Variants in FNDC1 observed in about 807,000 individuals in gnomAD.
FNDC1 encodes fibronectin type III domain-containing protein 1.
Under a neutral mutation model 168.0 loss-of-function variants are expected in FNDC1, and 96 were observed. The ratio of observed to expected loss-of-function variants is 0.57; its 90% CI spans 0.48 to 0.68. The LOEUF is 0.68. Among genes scored for constraint, FNDC1 ranks in the 30% least tolerant of loss-of-function variants. FNDC1 has a pLI of 0.00. For missense variants in FNDC1, 2,587 were observed against 2,482.1 expected, an observed-to-expected ratio of 1.04 and a Z score of -0.90; for synonymous variants, 1,099 against 1,025.9, an observed-to-expected ratio of 1.07 and a Z score of -1.36.
At chr6:159,255,774 G>C (rs1777358506) in intron 17 of FNDC1, among the ~76,000 whole-genome samples, 1 of 152,206 alleles carries the variant, frequency 6.6e-6, no homozygotes, top group Non-Finnish European at 1.5e-5. Flanking sequence ...GGAAGTGCTT[G>C]ACAAATGTTT....
At position 159,238,659 on chromosome 6, in the gene FNDC1, A is replaced by G. The variant is rs1326979503; in HGVS notation, c.4174A>G (p.Ile1392Val). 6.3e-7 allele frequency: 1 copy of G among 1,593,406 alleles called. No individual in the cohort carries two copies. Among genetic ancestry groups the G allele is most frequent in the African/African-American group, 1.3e-5 (1 of 74,608 alleles). ...TAAACTAGGAGGAGATGGTCGAACCATTGTAGGTAAGGGAGAATGGTTTTT... is the reference window on the plus strand; with the variant it reads ...TAAACTAGGAGGAGATGGTCGAACCGTTGTAGGTAAGGGAGAATGGTTTTT... ...RIKLGGDGRTIVDLEGTPVVS... is the reference protein window; with the variant it reads ...RIKLGGDGRTVVDLEGTPVVS... The change falls in exon 13 of 23, where the codon ATT becomes GTT. Residue 1392 changes from isoleucine (I) to valine (V), a missense_variant. Physicochemically the swap from Ile to Val is conservative, Grantham distance 29 (BLOSUM62 3). Transcript: ENST00000297267.
chr6:159,195,688 A>G (rs1250672504), intron 1 of FNDC1, among the ~76,000 whole-genome samples: 3 of 152,204 alleles, frequency 2.0e-5, no homozygotes, highest in African/African-American at 7.2e-5. Context: ...AAATATTTAT[A>G]AATTGCTCTT....
chr6:159,174,791 C>T (rs1234366155), intron 1 of FNDC1, among the ~76,000 whole-genome samples: 1 of 152,186 alleles, frequency 6.6e-6, no homozygotes, highest in African/African-American at 2.4e-5. Context: ...CCTCTGCAGG[C>T]CTCCACCAAA....
intron 15 of FNDC1, among the ~76,000 whole-genome samples, chr6:159,248,447 A>G (rs1777183671): frequency 6.6e-6 from 1 of 152,008 alleles, no homozygotes; most frequent in Middle Eastern, 3.2e-3. Context: ...CTGGGACTAC[A>G]GGTGTGCGCC....
At chr6:159,226,613 A>G (rs376272570) in intron 9 of FNDC1, 33 bp downstream of exon 9, 8 of 1,486,742 alleles carry the variant, frequency 5.4e-6, no homozygotes, top group South Asian at 2.4e-5. Flanking sequence ...TGTAAGATGC[A>G]TTGATTCTGA....
At chr6:159,197,721 G>A in intron 2 of FNDC1, 96 bp downstream of exon 2, 7 of 1,148,906 alleles carry the variant, frequency 6.1e-6, no homozygotes, top group Non-Finnish European at 8.6e-6. Flanking sequence ...ACCCATGGCT[G>A]GGCTCAAGGT....
intron 1 of FNDC1, among the ~76,000 whole-genome samples, chr6:159,191,648 A>T (rs1003932224): frequency 3.9e-5 from 6 of 152,194 alleles, no homozygotes; most frequent in African/African-American, 1.4e-4. Context: ...CATGCTTATC[A>T]GTTGCTATTT....
chr6:159,182,153 C>T (rs1169602223), intron 1 of FNDC1, among the ~76,000 whole-genome samples: 1 of 152,172 alleles, frequency 6.6e-6, no homozygotes, highest in East Asian at 1.9e-4. Context: ...ACTTTCAATG[C>T]TAGCACCTAG....
chr6:159,243,326 C>T (rs956620101), intron 14 of FNDC1: 1 of 152,190 alleles, frequency 6.6e-6, no homozygotes, highest in Non-Finnish European at 1.5e-5. Context: ...AGATCTTCCC[C>T]ACCACAGCTG....
intron 1 of FNDC1, among the ~76,000 whole-genome samples, chr6:159,186,364 G>T (rs1781999162): frequency 6.6e-6 from 1 of 152,176 alleles, no homozygotes; most frequent in Admixed American, 6.5e-5. Context: ...GGCAAACTTT[G>T]TCCATAAGGA....
At position 159,233,793 on chromosome 6, in the gene FNDC1, C is replaced by T. The variant is rs971139609; in HGVS notation, c.3281C>T (p.Pro1094Leu). ...GTCGAGGCCCAGGATGTGCGGGCCC[C>T]CGCGCACGCCGCGCGCGCCAAGGAG... ...TEVEAQDVRA[P>L]AHAARAKEAA... The change falls in exon 11 of 23, where the codon CCC becomes CTC. Residue 1094 changes from proline (P) to leucine (L), a missense_variant. Pro to Leu is a moderately conservative substitution (Grantham distance 98). Coordinates refer to ENST00000297267, the MANE Select transcript of FNDC1 (RefSeq NM_032532.3). This position sits in a 1 kb window ranked among gnomAD's most constrained non-coding sequence, Gnocchi z 4.6. 1.3e-6 allele frequency: 2 copies of T among 1,537,730 alleles called. No individual in the cohort carries two copies. The highest frequency in any genetic ancestry group is 1.8e-6 in the Non-Finnish European group (2 of 1,141,290).
At chr6:159,187,455 T>A (rs1451083420) in intron 1 of FNDC1, among the ~76,000 whole-genome samples, 1 of 152,186 alleles carries the variant, frequency 6.6e-6, no homozygotes, top group Non-Finnish European at 1.5e-5. Flanking sequence ...TTGATTTTAT[T>A]TTTTGTACAG....
Position 159,232,782 on chromosome 6 carries a change from C to T in FNDC1, c.2270C>T (p.Ala757Val), listed in dbSNP as rs531988989. The T allele has an allele frequency of 2.7e-5, 44 of 1,613,840 alleles. No homozygotes were observed. In the South Asian group the frequency reaches 4.8e-4, roughly 18 times the overall value. ...GACGCCCCAGCCACCAACTCCAATG[C>T]GCCATCACGGTCCACCATGTCCTCC... is the stretch of plus-strand genomic sequence containing the variant. ...GEDAPATNSN[A>V]PSRSTMSSSV... Residue 757 changes from alanine (A) to valine (V), a missense_variant, in exon 11 of 23, where the codon GCG (alanine) becomes GTG (valine). Physicochemically the swap from Ala to Val is moderately conservative, Grantham distance 64. Transcript: ENST00000297267. The surrounding 1 kb of genome is among the most constrained non-coding windows in gnomAD (Gnocchi z 4.9).
At chr6:159,184,916 C>A (rs941629688) in intron 1 of FNDC1, among the ~76,000 whole-genome samples, 5 of 152,060 alleles carry the variant, frequency 3.3e-5, no homozygotes, top group Admixed American at 6.6e-5. Flanking sequence ...CTGTTGCCTG[C>A]CAATGGAAGG....
At chr6:159,206,994 T>C (rs1782498739) in intron 4 of FNDC1, among the ~76,000 whole-genome samples, 1 of 152,126 alleles carries the variant, frequency 6.6e-6, no homozygotes, top group Admixed American at 6.5e-5. Context: ...AGCCCATTCT[T>C]TAGGTAATAA....
At chr6:159,192,708 T>C (rs1173239339) in intron 1 of FNDC1, among the ~76,000 whole-genome samples, 1 of 152,176 alleles carries the variant, frequency 6.6e-6, no homozygotes, top group Non-Finnish European at 1.5e-5. Flanking sequence ...AGGCCAGAAA[T>C]AGACATGCAG....
At chr6:159,183,308 AC>A (rs777869530) in intron 1 of FNDC1, among the ~76,000 whole-genome samples, 64 of 152,138 alleles carry the variant, frequency 4.2e-4, no homozygotes, top group Non-Finnish European at 8.8e-4. Context: ...CCTTGACTTG[AC>A]TTGACATTGG....
chr6:159,270,262 G>A (rs1212343993), intron 22 of FNDC1, among the ~76,000 whole-genome samples: 1 of 152,182 alleles, frequency 6.6e-6, no homozygotes, highest in Non-Finnish European at 1.5e-5. Flanking sequence ...GGGTAACATA[G>A]CAAGATCTTA....
At chr6:159,215,818 C>A (rs903183710) in intron 5 of FNDC1, among the ~76,000 whole-genome samples, 8 of 152,140 alleles carry the variant, frequency 5.3e-5, no homozygotes, top group African/African-American at 1.9e-4. Flanking sequence ...TCACATTTTT[C>A]TGCCTGTTTA....
Sources: gnomAD v4.1 joint callset for allele counts (sites outside exome capture counted in the v4.1 genomes callset) on GRCh38, gnomAD v4.1.1 for gene constraint, Gnocchi (gnomAD v3.1) non-coding constraint, MANE v1.5 for transcripts, NCBI Gene and HGNC (gene_info 2026-07-23, HGNC 2026-07-21) for gene names.